MTIF2: variants seen among roughly 807,000 people sequenced by gnomAD.
MTIF2 encodes translation initiation factor IF-2, mitochondrial.
MTIF2 carries 71 observed loss-of-function variants against 83.5 expected under a neutral mutation model. That is an observed-to-expected ratio of 0.85 (90% CI 0.70 to 1.04). The LOEUF (loss-of-function observed/expected upper bound fraction) is 1.04. Ranked by LOEUF, MTIF2 falls within the 50% of genes least tolerant of loss-of-function variation. MTIF2 has a pLI of 0.00. For synonymous variants in MTIF2, 319 were observed against 287.1 expected (o/e 1.11, Z -1.12); for missense variants, 957 against 846.5 (o/e 1.13, Z -1.62).
At chr2:55,265,030 G>C (rs184562049) in intron 3 of MTIF2, among the ~76,000 whole-genome samples, 1 of 151,978 alleles carries the variant, frequency 6.6e-6, no homozygotes, top group African/African-American at 2.4e-5. Flanking sequence ...ATCACCTCAG[G>C]TCAGGAGTTC....
At chr2:55,248,466 A>G (rs72797598) in intron 9 of MTIF2, among the ~76,000 whole-genome samples, 1 of 152,118 alleles carries the variant, frequency 6.6e-6, no homozygotes, top group Non-Finnish European at 1.5e-5. Flanking sequence ...AGGCTATATT[A>G]TAAATAAACT....
intron 5 of MTIF2, among the ~76,000 whole-genome samples, chr2:55,258,541 G>A (rs557316219): frequency 7.2e-5 from 11 of 152,166 alleles, no homozygotes; most frequent in Non-Finnish European, 1.5e-4. Flanking sequence ...GCTGGGCGCA[G>A]TAGCTCACGT....
At chr2:55,239,095 G>T (rs975753223) in intron 14 of MTIF2, among the ~76,000 whole-genome samples, 12 of 152,176 alleles carry the variant, frequency 7.9e-5, no homozygotes, top group African/African-American at 2.9e-4. Flanking sequence ...TGGAGCTAGA[G>T]AGATATGACA....
chr2:55,243,880 T>C, intron 11 of MTIF2, 149 bp downstream of exon 11: 1 of 911,092 alleles, frequency 1.1e-6, no homozygotes, highest in Non-Finnish European at 1.6e-6. Context: ...AATTCTATAG[T>C]CTAATGCTAA....
intron 14 of MTIF2, among the ~76,000 whole-genome samples, chr2:55,238,798 G>A (rs1676085041): frequency 6.6e-6 from 1 of 152,158 alleles, no homozygotes; most frequent in South Asian, 2.1e-4. Flanking sequence ...TTATTTGTTA[G>A]TGTTATCTGA....
rs371921856 is a variant in MTIF2, at chr2:55,244,111, G to T, written c.1229C>A (p.Ala410Asp). The change falls in exon 11 of 16, where the codon GCC becomes GAC. Residue 410 changes from alanine to aspartate, a missense_variant. Physicochemically the swap from Ala to Asp is moderately radical, Grantham distance 126. Coordinates refer to ENST00000263629, the MANE Select transcript of MTIF2 (RefSeq NM_002453.3). ...FDENGKTIDE[A>D]YPSMPVGITG... is the part of the protein sequence containing the mutation. Reference sequence around the variant, plus strand: ...AATTCCCACTGGCATGCTGGGATAGGCCTCATCAATTGTTTTTCCATTTTC... The same window carrying T: ...AATTCCCACTGGCATGCTGGGATAGTCCTCATCAATTGTTTTTCCATTTTC... The T allele has an allele frequency of 6.2e-7, 1 of 1,614,038 alleles. No homozygotes were observed. Among genetic ancestry groups the T allele is most frequent in the Non-Finnish European group, 8.5e-7 (1 of 1,179,970 alleles).
At chr2:55,242,103 C>G (rs1306682669) in intron 13 of MTIF2, among the ~76,000 whole-genome samples, 1 of 148,624 alleles carries the variant, frequency 6.7e-6, no homozygotes, top group African/African-American at 2.5e-5. Context: ...GACCGTGCCA[C>G]TGCACTCCAG....
At chr2:55,249,559 G>C in intron 8 of MTIF2, 25 bp from the exon 9 acceptor site, 1 of 1,609,858 alleles carries the variant, frequency 6.2e-7, no homozygotes. Flanking sequence ...GTTAAAAAGA[G>C]TGAAAATGAT....
intron 13 of MTIF2, among the ~76,000 whole-genome samples, chr2:55,240,553 T>C (rs1676231551): frequency 1.3e-5 from 2 of 152,122 alleles, no homozygotes; most frequent in South Asian, 4.1e-4. Flanking sequence ...CACTCCAGCC[T>C]GGGCAAATAG....
intron 13 of MTIF2, among the ~76,000 whole-genome samples, chr2:55,240,469 C>G (rs899072183): frequency 6.6e-6 from 1 of 152,048 alleles, no homozygotes; most frequent in South Asian, 2.1e-4. Flanking sequence ...ATTCCAGCTA[C>G]TCAGGAGGCC....
At chr2:55,243,123 G>C (rs1171962307) in intron 12 of MTIF2, 43 bp from the exon 13 acceptor site, 3 of 1,515,520 alleles carry the variant, frequency 2.0e-6, no homozygotes, top group Admixed American at 4.5e-5. Context: ...TTAAGAGTTA[G>C]ACATCAGCAG....
At chr2:55,237,179 C>T (rs1423087747) in intron 15 of MTIF2, 109 bp downstream of exon 15, 20 of 1,251,644 alleles carry the variant, frequency 1.6e-5, no homozygotes, top group Admixed American at 2.4e-5. Flanking sequence ...TAAGAAATGG[C>T]CTGAGCTGAG....
intron 8 of MTIF2, 32 bp downstream of exon 8, chr2:55,252,445 G>A: frequency 1.3e-6 from 2 of 1,598,082 alleles, no homozygotes; most frequent in Non-Finnish European, 1.7e-6. Context: ...TTGACTTTAT[G>A]TAGTAGATCC....
chr2:55,265,057 A>G (rs2104476939), intron 3 of MTIF2, among the ~76,000 whole-genome samples: 1 of 152,116 alleles, frequency 6.6e-6, no homozygotes, highest in East Asian at 1.9e-4. Flanking sequence ...AGCCTGGCCA[A>G]CGTCGTGAAA....
chr2:55,258,501 T>A (rs1422451504), intron 5 of MTIF2, among the ~76,000 whole-genome samples: 1 of 151,862 alleles, frequency 6.6e-6, no homozygotes, highest in Non-Finnish European at 1.5e-5. Context: ...AAACCCCATC[T>A]CTACCAAAAA....
intron 11 of MTIF2, 64 bp downstream of exon 11, chr2:55,243,965 A>G (rs983889168): frequency 8.1e-5 from 107 of 1,328,436 alleles, no homozygotes; most frequent in Non-Finnish European, 1.1e-4. Context: ...TTGGTATAAC[A>G]TTGTAAACTG....
chr2:55,260,170 T>G (rs1050442382), intron 5 of MTIF2, among the ~76,000 whole-genome samples: 2 of 151,878 alleles, frequency 1.3e-5, no homozygotes, highest in South Asian at 4.2e-4. Flanking sequence ...GAGGCCGAGG[T>G]GGGCGGATCA....
intron 5 of MTIF2, among the ~76,000 whole-genome samples, chr2:55,257,331 A>C (rs555045180): frequency 6.0e-4 from 92 of 152,182 alleles, no homozygotes; most frequent in Non-Finnish European, 1.2e-3. Flanking sequence ...AATACAAAAA[A>C]TTAGCTGGGC....
rs1283626961 is a variant in MTIF2 at position 55,237,485 on chromosome 2, A to G, written c.1871-57T>C. ...AAACTAAAGATTCTGATAAATACGT[A>G]ATTTCTGACATTCTGTGGTATAAGA... On this transcript the variant is annotated intron_variant, in intron 14 of 15. Coordinates refer to ENST00000263629, the MANE Select transcript of MTIF2 (RefSeq NM_002453.3). 5 of 1,497,278 alleles carry G rather than the reference A, an allele frequency of 3.3e-6. No individual in the cohort carries two copies. The Middle Eastern group carries it at 7.4e-4, about 220-fold the overall frequency. 92.7% of individuals were successfully genotyped at this position (1,497,278 alleles called of 1,614,324 possible). A position where few individuals can be genotyped will look rare whatever the true frequency, so the allele number is the denominator to read the frequency against.
Sources: gnomAD v4.1 joint callset for allele counts (sites outside exome capture counted in the v4.1 genomes callset) on GRCh38, gnomAD v4.1.1 for gene constraint, MANE v1.5 for transcripts, NCBI Gene and HGNC (gene_info 2026-07-23, HGNC 2026-07-21) for gene names.